Variants in UBAP2 observed in about 807,000 individuals in gnomAD.
UBAP2 encodes ubiquitin associated protein 2.
A neutral mutation model predicts 139.6 loss-of-function variants in UBAP2; 75 were observed. The observed-to-expected ratio is 0.54, with a 90% CI of 0.45 to 0.65. UBAP2 has a LOEUF of 0.65. UBAP2 is among the 30% of genes least tolerant of loss of function. The probability of loss-of-function intolerance (pLI) is 0.00; values close to 1 mark genes in which losing one functional copy is unlikely to be tolerated. For missense variants in UBAP2, 1,368 were observed against 1,369.6 expected (o/e 1.00, Z 0.02); for synonymous variants, 526 against 526.2 (o/e 1.00, Z 0.01).
chr9:33,999,927 A>G (rs1822555127), intron 2 of UBAP2, among the ~76,000 whole-genome samples: 2 of 149,970 alleles, frequency 1.3e-5, no homozygotes, highest in African/African-American at 4.9e-5. Context: ...ATGGAGTCAC[A>G]CTCTGTCGCC....
At chr9:33,954,724 AAATAC>A (rs1432185775) in intron 11 of UBAP2, among the ~76,000 whole-genome samples, 4 of 129,454 alleles carry the variant, frequency 3.1e-5, no homozygotes, top group African/African-American at 5.0e-5. Flanking sequence ...ACTGAATCAT[AAATAC>A]AATAGAGAAT....
chr9:33,990,591 T>C (rs1821616215), intron 4 of UBAP2, among the ~76,000 whole-genome samples: 1 of 152,002 alleles, frequency 6.6e-6, no homozygotes, highest in East Asian at 1.9e-4. Flanking sequence ...TGAGCATGCA[T>C]CTATTGTAAC....
intron 16 of UBAP2, among the ~76,000 whole-genome samples, chr9:33,939,521 C>T (rs1341305456): frequency 2.0e-5 from 3 of 150,728 alleles, no homozygotes; most frequent in Non-Finnish European, 4.4e-5. Context: ...TTAATGCTCT[C>T]AGCCATTTGT....
intron 23 of UBAP2, 88 bp downstream of exon 23, chr9:33,924,118 T>C: frequency 6.3e-7 from 1 of 1,581,162 alleles, no homozygotes; most frequent in Non-Finnish European, 8.7e-7. Context: ...CTAAGAGGCC[T>C]CTCTCAGCTT....
At chr9:33,967,654 T>C (rs2131037167) in intron 8 of UBAP2, among the ~76,000 whole-genome samples, 1 of 152,364 alleles carries the variant, frequency 6.6e-6, no homozygotes, top group Non-Finnish European at 1.5e-5. Flanking sequence ...TGATCAGCCA[T>C]CTAGAATTCT....
chr9:33,927,274 T>G (rs114794776), intron 20 of UBAP2, among the ~76,000 whole-genome samples, 194 bp from the exon 21 acceptor site: 28 of 152,268 alleles, frequency 1.8e-4, no homozygotes, highest in African/African-American at 5.3e-4. Context: ...ACACTGAGGT[T>G]GTTTCAACGT....
chr9:33,988,086 T>G (rs1185002887), intron 5 of UBAP2, among the ~76,000 whole-genome samples: 1 of 152,190 alleles, frequency 6.6e-6, no homozygotes, highest in Non-Finnish European at 1.5e-5. Flanking sequence ...TTGCCAGACC[T>G]CTTCCCATAA....
At chr9:33,995,557 A>AAATAT (rs1564053631) in intron 4 of UBAP2, 845 of 52,730 alleles carry the variant, frequency 0.016, 16 homozygotes, top group Middle Eastern at 0.071. Flanking sequence ...ATTATTAAAT[A>AAATAT]ATTTAATTTA....
intron 12 of UBAP2, among the ~76,000 whole-genome samples, chr9:33,951,495 C>T (rs1470651371): frequency 6.6e-6 from 1 of 151,774 alleles, no homozygotes; most frequent in Non-Finnish European, 1.5e-5. Flanking sequence ...TATAGGCGCC[C>T]ACCACTACGC....
At chr9:33,999,001 C>T in intron 2 of UBAP2, 137 bp from the exon 3 acceptor site, 1 of 650,396 alleles carries the variant, frequency 1.5e-6, no homozygotes, top group Non-Finnish European at 2.6e-6. Flanking sequence ...GAATTTAGGC[C>T]TCTCAACCAT....
chr9:33,986,071 GAGAC>G (rs1316659451), intron 6 of UBAP2, among the ~76,000 whole-genome samples: 1 of 151,108 alleles, frequency 6.6e-6, no homozygotes, highest in African/African-American at 2.4e-5. Flanking sequence ...TATTTTTTCT[GAGAC>G]AGAGTCTTGC....
intron 2 of UBAP2, among the ~76,000 whole-genome samples, chr9:34,014,348 A>AAT (rs61147378): frequency 7.2e-6 from 1 of 138,384 alleles, no homozygotes; most frequent in African/African-American, 2.7e-5. Flanking sequence ...AAAAAAAAAA[A>AAT]GGTCAGGTGC....
At chr9:33,954,839 A>G (rs1826416862) in intron 11 of UBAP2, among the ~76,000 whole-genome samples, 1 of 152,218 alleles carries the variant, frequency 6.6e-6, no homozygotes, top group South Asian at 2.1e-4. Flanking sequence ...TCTCATCACC[A>G]TCTCATTTAG....
intron 10 of UBAP2, among the ~76,000 whole-genome samples, chr9:33,959,283 A>G (rs1826832275): frequency 1.3e-5 from 2 of 152,348 alleles, no homozygotes; most frequent in South Asian, 2.1e-4. Context: ...CCAAGGAACA[A>G]CGCCCTGCCT....
At chr9:34,030,557 A>T (rs1476061568) in intron 1 of UBAP2, among the ~76,000 whole-genome samples, 1 of 152,172 alleles carries the variant, frequency 6.6e-6, no homozygotes, top group Non-Finnish European at 1.5e-5. Context: ...TGGGAGGTCA[A>T]GGCTGCAGTA....
chr9:34,035,532 T>TATATATATA (rs1466687163), intron 1 of UBAP2, among the ~76,000 whole-genome samples: 1 of 104,140 alleles, frequency 9.6e-6, no homozygotes, highest in Non-Finnish European at 2.0e-5. Flanking sequence ...TATATAAAGA[T>TATATATATA]TAGCCAGGTT....
chr9:33,961,558 T>TTATATAAGATCTG (rs1353447235), intron 9 of UBAP2, among the ~76,000 whole-genome samples: 1 of 152,182 alleles, frequency 6.6e-6, no homozygotes, highest in Non-Finnish European at 1.5e-5. Flanking sequence ...CTTACAGATC[T>TTATATAAGATCTG]TATATAAGTA....
rs754142197 is a variant in UBAP2, at chr9:33,948,556, A to G, written c.1088T>C (p.Leu363Pro). 34 of 1,614,068 alleles carry G rather than the reference A, an allele frequency of 2.1e-5. No individual in the cohort carries two copies. The highest frequency in any genetic ancestry group is 2.8e-5 in the Non-Finnish European group (33 of 1,180,032). ...GATGTTTGCCATTTTTGGTGGTGCAAGCTCTCCAAATCCTGAGCCAAGGAC... is the reference window on the plus strand; with the variant it reads ...GATGTTTGCCATTTTTGGTGGTGCAGGCTCTCCAAATCCTGAGCCAAGGAC... Reference protein sequence around the residue: ...SSVLGSGFGELAPPKMANITS... With the variant: ...SSVLGSGFGEPAPPKMANITS... Residue 363 changes from leucine to proline, a missense_variant, in exon 13 of 29, where the codon CTT (leucine) becomes CCT (proline). Coordinates refer to ENST00000379238, the MANE Select transcript of UBAP2 (RefSeq NM_001370062.2).
Position 33,927,945 on chromosome 9 carries a change from G to A in UBAP2, c.2223C>T (p.Phe741=). 1 of 1,614,160 alleles carries A rather than the reference G, an allele frequency of 6.2e-7. No homozygotes were observed. Among genetic ancestry groups the A allele is most frequent in the Non-Finnish European group, 8.5e-7 (1 of 1,180,000 alleles). The change falls in exon 20 of 29, where the codon TTC becomes TTT. Residue 741 remains phenylalanine, a synonymous_variant. Transcript: ENST00000379238. Reference sequence around the variant, plus strand: ...TTGAGACGGAGGTCGCTGCCGTGGAGAAGGTGGCTGAGGACTGGTGGGAAG... The same window carrying A: ...TTGAGACGGAGGTCGCTGCCGTGGAAAAGGTGGCTGAGGACTGGTGGGAAG... ...SASSHQSSAT[F]STAATSVSSS...
Sources: gnomAD v4.1 joint callset for allele counts (sites outside exome capture counted in the v4.1 genomes callset) on GRCh38, gnomAD v4.1.1 for gene constraint, MANE v1.5 for transcripts, NCBI Gene and HGNC (gene_info 2026-07-23, HGNC 2026-07-21) for gene names.